Variants in FGGY observed in about 807,000 individuals in gnomAD.
FGGY encodes FGGY carbohydrate kinase domain containing.
FGGY carries 72 observed loss-of-function variants against 71.3 expected under a neutral mutation model. The ratio of observed to expected loss-of-function variants is 1.01; its 90% confidence interval spans 0.84 to 1.23. FGGY has a LOEUF of 1.23. Among genes scored for constraint, FGGY ranks in the 50% most tolerant of loss-of-function variants. The pLI is 0.00. For synonymous variants in FGGY, 251 were observed against 250.3 expected, an observed-to-expected ratio of 1.00 and a Z score of -0.02; for missense variants, 668 against 682.3, an observed-to-expected ratio of 0.98 and a Z score of 0.23.
At chr1:59,432,982 G>T (rs944533990) in intron 5 of FGGY, among the ~76,000 whole-genome samples, 4 of 152,162 alleles carry the variant, frequency 2.6e-5, no homozygotes, top group African/African-American at 4.8e-5. Flanking sequence ...TTCCTTACAT[G>T]ATTACCTCTC....
chr1:59,707,573 G>A (rs2097765351), intron 14 of FGGY, among the ~76,000 whole-genome samples: 1 of 152,222 alleles, frequency 6.6e-6, no homozygotes, highest in Admixed American at 6.5e-5. Flanking sequence ...ACTAGGCTGA[G>A]GGTAAACCAA....
chr1:59,326,693 TTTC>T (rs1402358907), intron 2 of FGGY, among the ~76,000 whole-genome samples: 2 of 152,176 alleles, frequency 1.3e-5, no homozygotes, highest in East Asian at 3.8e-4. Context: ...GATATTCATT[TTTC>T]TTTTCTCTAT....
chr1:59,467,092 G>T (rs1242662130), intron 6 of FGGY, among the ~76,000 whole-genome samples: 1 of 152,094 alleles, frequency 6.6e-6, no homozygotes, highest in African/African-American at 2.4e-5. Flanking sequence ...CAAAGACTTG[G>T]AACCAAGTCG....
intron 4 of FGGY, among the ~76,000 whole-genome samples, chr1:59,374,631 A>G (rs77430811): frequency 0.19 from 29,131 of 151,968 alleles, 3,329 homozygotes; most frequent in East Asian, 0.35. Context: ...ACTGTTCACA[A>G]TAGGAAAGAC....
At chr1:59,473,765 G>T (rs74084867) in intron 6 of FGGY, among the ~76,000 whole-genome samples, 1,568 of 152,282 alleles carry the variant, frequency 0.01, 25 homozygotes, top group African/African-American at 0.036. Context: ...TCAAGAGATG[G>T]TTCTAATTAC....
At chr1:59,719,226 T>C (rs906367113) in intron 14 of FGGY, among the ~76,000 whole-genome samples, 2 of 152,210 alleles carry the variant, frequency 1.3e-5, no homozygotes, top group East Asian at 1.9e-4. Flanking sequence ...TTCACCCTAA[T>C]TGAGTCTTTC....
At position 59,607,811 on chromosome 1, in the gene FGGY, A is replaced by G. The variant is rs1288177251; in HGVS notation, c.912A>G (p.Lys304=). 6.2e-7 allele frequency: 1 copy of G among 1,613,820 alleles called. No individual in the cohort carries two copies. The highest frequency in any genetic ancestry group is 2.2e-5 in the East Asian group (1 of 44,866). Residue 304 remains lysine, a synonymous_variant, in exon 9 of 16, where the codon AAA becomes AAG. Transcript: ENST00000303721. ...TCCATCTTTCTTTCCAGATCAGCAAAGACCCGATTTTTGTACCAGGCGTCT... is the reference window on the plus strand; with the variant it reads ...TCCATCTTTCTTTCCAGATCAGCAAGGACCCGATTTTTGTACCAGGCGTCT... ...GTSSCHMGIS[K]DPIFVPGVWG...
At chr1:59,326,516 T>G (rs146273375) in intron 2 of FGGY, among the ~76,000 whole-genome samples, 239 of 152,316 alleles carry the variant, frequency 1.6e-3, no homozygotes, top group African/African-American at 5.6e-3. Flanking sequence ...CATTTACATT[T>G]GAAAAACTGA....
At chr1:59,542,412 T>G (rs1359017591) in intron 7 of FGGY, among the ~76,000 whole-genome samples, 2 of 151,540 alleles carry the variant, frequency 1.3e-5, no homozygotes, top group African/African-American at 4.9e-5. Flanking sequence ...ACAGCACTGT[T>G]CTTTCAAGCC....
At chr1:59,365,257 A>G (rs575842321) in intron 4 of FGGY, among the ~76,000 whole-genome samples, 1 of 152,298 alleles carries the variant, frequency 6.6e-6, no homozygotes, top group Non-Finnish European at 1.5e-5. Context: ...TAAAGAAAAG[A>G]GCAGCTAAAG....
chr1:59,428,669 A>G (rs1430074736), intron 5 of FGGY, among the ~76,000 whole-genome samples: 1 of 152,228 alleles, frequency 6.6e-6, no homozygotes, highest in Non-Finnish European at 1.5e-5. Flanking sequence ...TTAAGTTAAT[A>G]ATCCAGATAA....
At chr1:59,502,276 C>G (rs1277752447) in intron 6 of FGGY, among the ~76,000 whole-genome samples, 1 of 152,090 alleles carries the variant, frequency 6.6e-6, no homozygotes, top group Admixed American at 6.5e-5. Context: ...CGATTATAAT[C>G]TAAATTAGAA....
intron 8 of FGGY, among the ~76,000 whole-genome samples, chr1:59,554,988 C>A (rs1378988561): frequency 2.0e-5 from 3 of 152,086 alleles, no homozygotes; most frequent in African/African-American, 7.2e-5. Context: ...CGGGACACAG[C>A]CCAGGGCAGA....
At chr1:59,300,688 T>TG (rs2042622804) in intron 1 of FGGY, among the ~76,000 whole-genome samples, 1 of 92,764 alleles carries the variant, frequency 1.1e-5, no homozygotes, top group Non-Finnish European at 2.5e-5. Context: ...TGGAATCAAG[T>TG]TTTTTTTTTG....
chr1:59,533,366 A>C (rs533186393), intron 7 of FGGY, among the ~76,000 whole-genome samples: 3 of 152,190 alleles, frequency 2.0e-5, no homozygotes, highest in African/African-American at 4.8e-5. Context: ...ACGGAGTCTC[A>C]CTGATTGCTA....
At position 59,373,253 on chromosome 1, in the gene FGGY, T is replaced by G. The variant is rs529790109; in HGVS notation, c.466-5496T>G. Reference sequence around the variant, plus strand: ...CAATGTACAAAAATCACAAGCATTCTTATACACCAATAACAGACAAACAGC... The same window carrying G: ...CAATGTACAAAAATCACAAGCATTCGTATACACCAATAACAGACAAACAGC... On this transcript the variant is annotated intron_variant, in intron 4 of 15. Transcript: ENST00000303721. 2.0e-5 allele frequency among the ~76,000 whole-genome samples: 3 copies of G among 152,166 alleles called. No homozygotes were observed. The South Asian group carries it at 6.2e-4, about 32-fold the overall frequency.
intron 6 of FGGY, among the ~76,000 whole-genome samples, chr1:59,489,080 T>C (rs2093744056): frequency 6.6e-6 from 1 of 152,134 alleles, no homozygotes; most frequent in Admixed American, 6.5e-5. Flanking sequence ...TGGAGGTTAT[T>C]TTTAAAAAAT....
intron 9 of FGGY, among the ~76,000 whole-genome samples, chr1:59,610,707 G>A (rs2096667332): frequency 2.6e-5 from 4 of 152,230 alleles, no homozygotes; most frequent in Admixed American, 2.6e-4. Flanking sequence ...GCCGAAGCAG[G>A]GCGAGGCATC....
intron 8 of FGGY, among the ~76,000 whole-genome samples, chr1:59,591,960 G>A (rs1256534844): frequency 3.9e-5 from 6 of 152,168 alleles, no homozygotes; most frequent in Admixed American, 6.5e-5. Context: ...AAACTAAAGA[G>A]CTTCTGCACA....
Sources: gnomAD v4.1 joint callset for allele counts (sites outside exome capture counted in the v4.1 genomes callset) on GRCh38, gnomAD v4.1.1 for gene constraint, MANE v1.5 for transcripts, NCBI Gene and HGNC (gene_info 2026-07-23, HGNC 2026-07-21) for gene names.